Variants in CPNE4 observed in about 807,000 individuals in gnomAD.
CPNE4 encodes the protein copine-4.
In CPNE4, 25 loss-of-function variants were observed where a neutral mutation model predicts 67.9. That is an observed-to-expected ratio of 0.37 (90% CI 0.27 to 0.51). The LOEUF (loss-of-function observed/expected upper bound fraction) is 0.51. Ranked by LOEUF, CPNE4 falls within the 20% of genes least tolerant of loss-of-function variation. CPNE4 has a pLI of 0.93. For synonymous variants in CPNE4, 242 were observed against 244.9 expected, an observed-to-expected ratio of 0.99 and a Z score of 0.11; for missense variants, 464 against 690.8, an observed-to-expected ratio of 0.67 and a Z score of 3.68.
rs183951883 is a variant in CPNE4, at chr3:131,587,091, C to T, written c.780+393G>A. 1.6e-3 allele frequency among the ~76,000 whole-genome samples: 237 copies of T among 152,262 alleles called. 2 individuals carry two copies. The highest frequency in any genetic ancestry group is 4.6e-3 in the African/African-American group (192 of 41,554). ...AGCTATGTGCTAGGCGCTCTGCTATCACCTAGGATTGTCTCATTTAATCTT... is the reference window on the plus strand; with the variant it reads ...AGCTATGTGCTAGGCGCTCTGCTATTACCTAGGATTGTCTCATTTAATCTT... On this transcript the variant is annotated intron_variant, in intron 8 of 15. Transcript: ENST00000429747.
rs554069244 is a variant in CPNE4, at chr3:131,710,013, A to G, written c.361-10033T>C. 1.3e-5 allele frequency among the ~76,000 whole-genome samples: 2 copies of G among 152,328 alleles called. 1 individual carries two copies. Among genetic ancestry groups the G allele is most frequent in the South Asian group, 4.1e-4 (2 of 4,830 alleles). On this transcript the variant is annotated intron_variant, in intron 3 of 15. Coordinates refer to ENST00000429747, the MANE Select transcript of CPNE4 (RefSeq NM_130808.3). ...GTTATTGTATCATGTAGGAATAGGT[A>G]AGCTCCATGAGGCAGGGCTTTGCCT...
At chr3:132,007,649 C>T (rs2073645181) in intron 1 of CPNE4, among the ~76,000 whole-genome samples, 1 of 151,554 alleles carries the variant, frequency 6.6e-6, no homozygotes, top group Non-Finnish European at 1.5e-5. Flanking sequence ...TTCAACAGTT[C>T]ATTCATTAAA....
chr3:131,869,548 C>G (rs749143626), intron 2 of CPNE4, among the ~76,000 whole-genome samples: 1 of 152,082 alleles, frequency 6.6e-6, no homozygotes, highest in Non-Finnish European at 1.5e-5. Context: ...TTAAGAAAAA[C>G]CTGCCAGCCA....
chr3:131,575,206 G>T (rs1937521928), intron 9 of CPNE4, 76 bp from the exon 10 acceptor site: 1 of 1,271,228 alleles, frequency 7.9e-7, no homozygotes, highest in Non-Finnish European at 1.1e-6. Context: ...CCTAAAGGTT[G>T]GTGACTGATA....
chr3:132,028,830 A>G (rs2074174079), intron 1 of CPNE4, among the ~76,000 whole-genome samples: 1 of 79,836 alleles, frequency 1.3e-5, no homozygotes, highest in African/African-American at 4.8e-5. Flanking sequence ...ATTTAGTACT[A>G]GAAAAAAAAG....
At chr3:131,588,487 C>T (rs1323381912) in intron 7 of CPNE4, among the ~76,000 whole-genome samples, 1 of 152,166 alleles carries the variant, frequency 6.6e-6, no homozygotes, top group Non-Finnish European at 1.5e-5. Context: ...GGACCTTTTG[C>T]TCAGAGGTTT....
intron 7 of CPNE4, among the ~76,000 whole-genome samples, chr3:131,615,905 ACACACACACACACACACACACACG>A (rs1178121432): frequency 0.021 from 2,091 of 101,332 alleles, 47 homozygotes; most frequent in African/African-American, 0.11. Flanking sequence ...ACACACACAC[ACACACACACACACACACACACACG>A]CACACACACA....
At position 131,608,813 on chromosome 3, in the gene CPNE4, C is replaced by T. The variant is rs577638495; in HGVS notation, c.682-21231G>A. The stretch of plus-strand genomic sequence containing the variant: ...TAAAATCCCTACCATAGCTTGTAGA[C>T]CCCTGATGGTCTCTGCCTACTTCTC... On this transcript the variant is annotated intron_variant, in intron 7 of 15. Coordinates refer to ENST00000429747, the MANE Select transcript of CPNE4 (RefSeq NM_130808.3). Among the ~76,000 whole-genome samples the T allele has an allele frequency of 6.3e-4, 96 of 152,210 alleles. 4 individuals are homozygous for T. In the South Asian group the frequency reaches 0.019, roughly 30 times the overall value.
At chr3:131,804,614 G>A (rs1270494851) in intron 2 of CPNE4, among the ~76,000 whole-genome samples, 3 of 152,134 alleles carry the variant, frequency 2.0e-5, no homozygotes, top group Non-Finnish European at 4.4e-5. Context: ...TGCTGAAAAG[G>A]TATCGTGTAT....
chr3:131,895,625 A>G (rs1168984261), intron 2 of CPNE4, among the ~76,000 whole-genome samples: 2 of 152,076 alleles, frequency 1.3e-5, no homozygotes, highest in African/African-American at 4.8e-5. Flanking sequence ...CTACAAGTTA[A>G]TCCATTTGAA....
intron 1 of CPNE4, among the ~76,000 whole-genome samples, chr3:131,975,622 C>A (rs926679198): frequency 1.3e-5 from 2 of 152,172 alleles, no homozygotes; most frequent in African/African-American, 4.8e-5. Context: ...AACACCGTGA[C>A]ATTTACACCT....
At chr3:131,543,906 C>T (rs1038396192) in intron 14 of CPNE4, among the ~76,000 whole-genome samples, 3 of 152,192 alleles carry the variant, frequency 2.0e-5, no homozygotes, top group Admixed American at 1.3e-4. Flanking sequence ...TTCTGGCCTG[C>T]AGCCTGCCTG....
intron 5 of CPNE4, 128 bp from the exon 6 acceptor site, chr3:131,686,086 A>G (rs1450813017): frequency 3.3e-6 from 2 of 609,502 alleles, no homozygotes; most frequent in Non-Finnish European, 5.8e-6. Flanking sequence ...AAGGGAGGCC[A>G]TGCTTGTCCT....
chr3:131,746,989 T>C (rs1298006806), intron 2 of CPNE4, among the ~76,000 whole-genome samples: 1 of 152,184 alleles, frequency 6.6e-6, no homozygotes. Flanking sequence ...AGATAACTTA[T>C]TTTAGTTTTG....
At chr3:131,640,053 T>C (rs2079500432) in intron 7 of CPNE4, among the ~76,000 whole-genome samples, 1 of 152,172 alleles carries the variant, frequency 6.6e-6, no homozygotes, top group Non-Finnish European at 1.5e-5. Flanking sequence ...GCCAACATTA[T>C]ACTGAATGGG....
At chr3:131,859,348 C>T (rs944870784) in intron 2 of CPNE4, among the ~76,000 whole-genome samples, 8 of 152,160 alleles carry the variant, frequency 5.3e-5, no homozygotes, top group African/African-American at 1.2e-4. Flanking sequence ...GATGGCAACT[C>T]GCTGTTCCTC....
At chr3:131,718,063 C>T (rs917232262) in intron 3 of CPNE4, among the ~76,000 whole-genome samples, 10 of 151,610 alleles carry the variant, frequency 6.6e-5, no homozygotes, top group East Asian at 1.9e-4. Context: ...GGCATGATCT[C>T]GGCTAACTGC....
In CPNE4 at chr3:131,540,590, C is replaced by A. The variant is rs142324975; in HGVS notation, c.1539+1967G>T. On this transcript the variant is annotated intron_variant, in intron 15 of 15. Coordinates refer to ENST00000429747, the MANE Select transcript of CPNE4 (RefSeq NM_130808.3). Reference sequence around the variant, plus strand: ...ATCCATTTAGCTTTCCACCTCTCATCTGCAATTTCCTTACACAGTATAGGT... The same window carrying A: ...ATCCATTTAGCTTTCCACCTCTCATATGCAATTTCCTTACACAGTATAGGT... Among the ~76,000 whole-genome samples, 9 of 152,320 alleles carry A rather than the reference C, an allele frequency of 5.9e-5. No homozygotes were observed. In the South Asian group the frequency reaches 1.2e-3, roughly 21 times the overall value.
At chr3:131,862,152 C>T (rs1279523536) in intron 2 of CPNE4, among the ~76,000 whole-genome samples, 1 of 152,144 alleles carries the variant, frequency 6.6e-6, no homozygotes, top group East Asian at 1.9e-4. Context: ...CCTATATTTG[C>T]AGTCCAGAGA....
Sources: allele counts gnomAD v4.1 joint callset (sites outside exome capture counted in the v4.1 genomes callset), GRCh38; gene constraint gnomAD v4.1.1; transcripts MANE v1.5; gene names NCBI Gene and HGNC (gene_info 2026-07-23, HGNC 2026-07-21).